Variants in NLGN1 observed in about 807,000 individuals in gnomAD.
NLGN1 encodes neuroligin 1.
NLGN1 carries 12 observed loss-of-function variants against 65.5 expected under a neutral mutation model. The observed-to-expected ratio is 0.18, with a 90% CI of 0.12 to 0.30. The LOEUF (loss-of-function observed/expected upper bound fraction) is 0.30. NLGN1 is among the 10% of genes least tolerant of loss of function. The pLI is 1.00. For synonymous variants in NLGN1, 350 were observed against 359.5 expected (o/e 0.97, Z 0.30); for missense variants, 750 against 1,007.1 (o/e 0.74, Z 3.46).
intron 4 of NLGN1, among the ~76,000 whole-genome samples, chr3:174,246,048 T>C (rs1239798960): frequency 4.6e-5 from 7 of 152,214 alleles, no homozygotes; most frequent in Admixed American, 4.6e-4. Context: ...CCTTTTTCAT[T>C]CAATATAATT....
At chr3:173,634,749 G>A (rs1756308437) in intron 3 of NLGN1, among the ~76,000 whole-genome samples, 3 of 152,054 alleles carry the variant, frequency 2.0e-5, no homozygotes, top group Admixed American at 1.3e-4. Flanking sequence ...CCACTTGAAG[G>A]CAAAATTGGA....
rs552043329 is a variant in NLGN1, at chr3:173,705,069, A to G, written c.493+99978A>G. Among the ~76,000 whole-genome samples, 83 of 152,278 alleles carry G rather than the reference A, an allele frequency of 5.5e-4. 1 individual carries two copies. In the Middle Eastern group the frequency reaches 0.01, roughly 19 times the overall value. Reference sequence around the variant, plus strand: ...TTCATTCAGATCTACAATGTCAAATATTATCACTCCCAAAAAGGCACTGAC... The same window carrying G: ...TTCATTCAGATCTACAATGTCAAATGTTATCACTCCCAAAAAGGCACTGAC... On this transcript the variant is annotated intron_variant, in intron 3 of 6. Transcript: ENST00000457714.
intron 4 of NLGN1, among the ~76,000 whole-genome samples, chr3:174,143,943 C>G (rs888872540): frequency 6.6e-6 from 1 of 151,916 alleles, no homozygotes; most frequent in Non-Finnish European, 1.5e-5. Flanking sequence ...ATACTTTAAG[C>G]TCTGGGATAC....
At chr3:174,095,193 C>T (rs953095365) in intron 4 of NLGN1, among the ~76,000 whole-genome samples, 1 of 150,310 alleles carries the variant, frequency 6.7e-6, no homozygotes, top group African/African-American at 2.5e-5. Context: ...ACAAATAGAC[C>T]TTGTACCTGT....
intron 3 of NLGN1, among the ~76,000 whole-genome samples, chr3:173,741,510 T>C (rs997645050): frequency 1.3e-5 from 2 of 152,114 alleles, no homozygotes; most frequent in African/African-American, 4.8e-5. Context: ...TTTTTGTTTT[T>C]GAGACAGAGT....
At chr3:174,251,789 A>G (rs1416436350) in intron 4 of NLGN1, among the ~76,000 whole-genome samples, 2 of 152,226 alleles carry the variant, frequency 1.3e-5, no homozygotes, top group African/African-American at 4.8e-5. Context: ...GACTAGTTCC[A>G]TGCAACACAG....
chr3:174,274,220 A>C (rs1001498437), intron 4 of NLGN1, among the ~76,000 whole-genome samples: 1 of 151,808 alleles, frequency 6.6e-6, no homozygotes, highest in Admixed American at 6.6e-5. Context: ...TATTTTATGA[A>C]ACACTTTCTA....
intron 2 of NLGN1, among the ~76,000 whole-genome samples, chr3:173,480,862 A>G (rs912388853): frequency 6.6e-6 from 1 of 152,116 alleles, no homozygotes; most frequent in Non-Finnish European, 1.5e-5. Context: ...CAGAAGAAGT[A>G]AAGTAAGATC....
chr3:173,489,742 A>G (rs1202276050), intron 2 of NLGN1, among the ~76,000 whole-genome samples: 1 of 151,628 alleles, frequency 6.6e-6, no homozygotes, highest in Non-Finnish European at 1.5e-5. Context: ...CCTCTCCAGC[A>G]CCTGTTGTTT....
exon 7 of NLGN1, chr3:174,282,337 AGTCT>A (rs1385524954): frequency 6.6e-6 from 1 of 152,128 alleles, no homozygotes; most frequent in African/African-American, 2.4e-5. Context: ...TACTTGCAAC[AGTCT>A]TTCATGATAT....
chr3:174,276,062 A>G (rs1750499412), intron 5 of NLGN1, among the ~76,000 whole-genome samples: 1 of 151,944 alleles, frequency 6.6e-6, no homozygotes, highest in Non-Finnish European at 1.5e-5. Context: ...TTGTCAAAGC[A>G]TCAAGGTCAC....
chr3:173,908,094 T>C (rs1738824764), intron 4 of NLGN1, among the ~76,000 whole-genome samples: 1 of 152,216 alleles, frequency 6.6e-6, no homozygotes, highest in African/African-American at 2.4e-5. Context: ...TATAAAAATA[T>C]TGATTACTGC....
chr3:173,948,064 A>G (rs562743867), intron 4 of NLGN1, among the ~76,000 whole-genome samples: 20 of 152,352 alleles, frequency 1.3e-4, no homozygotes, highest in African/African-American at 4.3e-4. Context: ...TAGCATCAAC[A>G]TACAGGGTTC....
At chr3:174,214,106 G>A (rs931723255) in intron 4 of NLGN1, among the ~76,000 whole-genome samples, 1 of 151,928 alleles carries the variant, frequency 6.6e-6, no homozygotes, top group Non-Finnish European at 1.5e-5. Context: ...CTGTAGTTTT[G>A]TATATTTTTA....
At chr3:173,609,889 A>C (rs1230255472) in intron 3 of NLGN1, among the ~76,000 whole-genome samples, 2 of 152,006 alleles carry the variant, frequency 1.3e-5, no homozygotes, top group Non-Finnish European at 2.9e-5. Flanking sequence ...AGACTACCTC[A>C]TTCGAGCAAA....
intron 3 of NLGN1, among the ~76,000 whole-genome samples, chr3:173,707,456 A>G (rs539205279): frequency 1.4e-3 from 206 of 152,256 alleles, no homozygotes; most frequent in Middle Eastern, 6.8e-3. Flanking sequence ...AATAAACAAG[A>G]TACTGGCTTG....
rs1451790950 is a variant in NLGN1 at position 173,878,901 on chromosome 3, GCCTAAGAA to G, written c.646+71070_646+71077del. On this transcript the variant is annotated intron_variant, in intron 4 of 6. Coordinates refer to ENST00000457714, the Ensembl canonical transcript of NLGN1. Reference sequence around the variant, plus strand: ...CTTTTGACTCACTCAGCATATTGTTGCCTAAGAAAGTGGGGAAATTGACAGTTCCGTCA... The same window carrying G: ...CTTTTGACTCACTCAGCATATTGTTGAGTGGGGAAATTGACAGTTCCGTCA... Among the ~76,000 whole-genome samples the G allele has an allele frequency of 2.6e-5, 4 of 152,074 alleles. No homozygotes were observed. In the East Asian group the frequency reaches 7.8e-4, roughly 29 times the overall value.
intron 4 of NLGN1, among the ~76,000 whole-genome samples, chr3:174,196,642 C>T (rs1195282775): frequency 6.6e-6 from 1 of 152,102 alleles, no homozygotes; most frequent in Non-Finnish European, 1.5e-5. Context: ...TTTCAGCGAT[C>T]TTAGATCAAA....
chr3:173,723,617 C>T (rs920039009), intron 3 of NLGN1, among the ~76,000 whole-genome samples: 1 of 152,064 alleles, frequency 6.6e-6, no homozygotes, highest in African/African-American at 2.4e-5. Flanking sequence ...TTATAACTGC[C>T]ACCTGGTTCA....
Sources: gnomAD v4.1 joint callset for allele counts (sites outside exome capture counted in the v4.1 genomes callset) on GRCh38, gnomAD v4.1.1 for gene constraint, MANE v1.5 for transcripts, NCBI Gene and HGNC (gene_info 2026-07-23, HGNC 2026-07-21) for gene names.